Variants in MAGI1 observed in about 807,000 individuals in gnomAD.
The protein encoded by MAGI1 is membrane-associated guanylate kinase, WW and PDZ domain-containing protein 1.
A neutral mutation model predicts 139.9 loss-of-function variants in MAGI1; 58 were observed. The observed-to-expected ratio is 0.41, with a 90% confidence interval of 0.34 to 0.52. The LOEUF (loss-of-function observed/expected upper bound fraction) is 0.52. Ranked by LOEUF, MAGI1 falls within the 20% of genes least tolerant of loss-of-function variation. The pLI is 0.12. For synonymous variants in MAGI1, 812 were observed against 737.9 expected (o/e 1.10, Z -1.63); for missense variants, 1,874 against 1,901.6 (o/e 0.99, Z 0.27).
intron 1 of MAGI1, among the ~76,000 whole-genome samples, chr3:65,944,772 T>A (rs1036098256): frequency 3.3e-5 from 5 of 152,238 alleles, no homozygotes; most frequent in Non-Finnish European, 7.3e-5. Flanking sequence ...CTAAATTTCA[T>A]ACTCTTTGCA....
chr3:65,807,964 C>T (rs1223858648), intron 1 of MAGI1, among the ~76,000 whole-genome samples: 1 of 151,664 alleles, frequency 6.6e-6, no homozygotes, highest in Non-Finnish European at 1.5e-5. Context: ...CGCCTGTAAT[C>T]CAGCACTTTG....
At chr3:65,602,870 G>C (rs996047507) in intron 2 of MAGI1, among the ~76,000 whole-genome samples, 1 of 151,850 alleles carries the variant, frequency 6.6e-6, no homozygotes, top group African/African-American at 2.4e-5. Context: ...GGGGAAAGGA[G>C]AAATCATATA....
At chr3:65,674,149 G>A (rs1361481512) in intron 1 of MAGI1, among the ~76,000 whole-genome samples, 1 of 152,184 alleles carries the variant, frequency 6.6e-6, no homozygotes, top group Non-Finnish European at 1.5e-5. Flanking sequence ...AACAGGAGAT[G>A]ACATTAAAGA....
intron 1 of MAGI1, among the ~76,000 whole-genome samples, chr3:65,801,701 C>G (rs2040526165): frequency 6.6e-6 from 1 of 152,144 alleles, no homozygotes; most frequent in African/African-American, 2.4e-5. Flanking sequence ...TTAGTGGAAC[C>G]TAACATGACA....
chr3:65,522,422 T>A (rs892549268), intron 2 of MAGI1, among the ~76,000 whole-genome samples: 5 of 152,144 alleles, frequency 3.3e-5, no homozygotes, highest in Non-Finnish European at 7.4e-5. Flanking sequence ...GATCTCTAAA[T>A]CAAGAAAGGA....
intron 1 of MAGI1, among the ~76,000 whole-genome samples, chr3:65,789,706 T>A (rs2039629883): frequency 6.6e-6 from 1 of 152,152 alleles, no homozygotes. Flanking sequence ...GGGATCTCCC[T>A]CGCCCACGGC....
intron 1 of MAGI1, among the ~76,000 whole-genome samples, chr3:66,020,546 A>G (rs2067906131): frequency 6.6e-6 from 1 of 152,212 alleles, no homozygotes; most frequent in Admixed American, 6.5e-5. Flanking sequence ...TAGTCAATAC[A>G]GACTATCGGC....
intron 1 of MAGI1, among the ~76,000 whole-genome samples, chr3:65,866,202 C>A (rs1370979588): frequency 6.8e-6 from 1 of 146,402 alleles, no homozygotes; most frequent in Non-Finnish European, 1.5e-5. Flanking sequence ...TTGGTATTTG[C>A]TGTTTTCAAT....
chr3:65,632,089 T>TA (rs1008308536), intron 1 of MAGI1, among the ~76,000 whole-genome samples: 3 of 152,176 alleles, frequency 2.0e-5, no homozygotes, highest in African/African-American at 7.2e-5. Flanking sequence ...AATGCTGTAA[T>TA]AAAAAACTTT....
intron 1 of MAGI1, among the ~76,000 whole-genome samples, chr3:65,871,901 A>T (rs763633131): frequency 1.2e-4 from 18 of 152,138 alleles, no homozygotes; most frequent in Non-Finnish European, 2.6e-4. Context: ...CTGCTATTCT[A>T]TTCTGCCTGG....
intron 1 of MAGI1, among the ~76,000 whole-genome samples, chr3:65,656,407 A>G (rs2085877701): frequency 6.6e-6 from 1 of 152,212 alleles, no homozygotes. Flanking sequence ...AAAGTGTCTC[A>G]GATTAAAAGA....
At chr3:65,468,992 T>A (rs1369260989) in intron 5 of MAGI1, among the ~76,000 whole-genome samples, 1 of 80,052 alleles carries the variant, frequency 1.2e-5, no homozygotes. Flanking sequence ...TAAATAAATG[T>A]GTGTATACAC....
intron 1 of MAGI1, among the ~76,000 whole-genome samples, chr3:65,970,558 G>C (rs929869604): frequency 6.6e-6 from 1 of 150,858 alleles, no homozygotes; most frequent in African/African-American, 2.4e-5. Flanking sequence ...AGCTTAATAT[G>C]GTATGGTGGA....
At chr3:65,411,452 C>G (rs917430874) in intron 12 of MAGI1, among the ~76,000 whole-genome samples, 4 of 152,208 alleles carry the variant, frequency 2.6e-5, no homozygotes, top group Non-Finnish European at 5.9e-5. Flanking sequence ...CCATGCAGTT[C>G]CTACAAATTT....
intron 1 of MAGI1, among the ~76,000 whole-genome samples, chr3:65,995,015 A>T: frequency 6.6e-6 from 1 of 152,154 alleles, no homozygotes; most frequent in East Asian, 1.9e-4. Context: ...GTCAGGTGCT[A>T]AACCTGAGGG....
intron 1 of MAGI1, among the ~76,000 whole-genome samples, chr3:66,000,025 TGCAGTGGCGCGAACTAG>T (rs1458768663): frequency 7.2e-6 from 1 of 138,000 alleles, no homozygotes; most frequent in African/African-American, 2.7e-5. Context: ...CAGGCTGGAG[TGCAGTGGCGCGAACTAG>T]GCTCATTGCA....
chr3:65,741,785 T>C (rs114962174), intron 1 of MAGI1, among the ~76,000 whole-genome samples: 4,495 of 152,270 alleles, frequency 0.03, 106 homozygotes, highest in Middle Eastern at 0.065. Flanking sequence ...ATAAAATTTA[T>C]TATACATCAG....
At chr3:65,759,065 C>CAAAAAAAAAAAAAAAAAAAAAAAAA (rs200497203) in intron 1 of MAGI1, among the ~76,000 whole-genome samples, 1 of 73,084 alleles carries the variant, frequency 1.4e-5, no homozygotes, top group African/African-American at 5.5e-5. Context: ...AGGCCCAGTG[C>CAAAAAAAAAAAAAAAAAAAAAAAAA]AAAAAAAAAA....
At chr3:65,732,716 T>A (rs1576927378) in intron 1 of MAGI1, among the ~76,000 whole-genome samples, 1 of 152,358 alleles carries the variant, frequency 6.6e-6, no homozygotes, top group African/African-American at 2.4e-5. Context: ...CTACAGATTA[T>A]ACATCACAAT....
Sources: allele counts gnomAD v4.1 joint callset (sites outside exome capture counted in the v4.1 genomes callset), GRCh38; gene constraint gnomAD v4.1.1; transcripts MANE v1.5; gene names NCBI Gene and HGNC (gene_info 2026-07-23, HGNC 2026-07-21).